ZNF23: variants seen among roughly 807,000 people sequenced by gnomAD.
ZNF23 encodes zinc finger protein 23.
In ZNF23, 48 loss-of-function variants were observed where a neutral mutation model predicts 56.2. That is an observed-to-expected ratio of 0.85 (90% CI 0.68 to 1.09). The LOEUF (loss-of-function observed/expected upper bound fraction) is 1.09, where lower values mean the gene tolerates loss of function less well. Among genes scored for constraint, ZNF23 ranks in the 50% least tolerant of loss-of-function variants. ZNF23 has a pLI of 0.00. For missense variants in ZNF23, 805 were observed against 811.4 expected (o/e 0.99, Z 0.10); for synonymous variants, 266 against 283.3 (o/e 0.94, Z 0.61).
chr16:71,449,529 T>C lies in ZNF23; in HGVS notation c.625A>G (p.Arg209Gly). The stretch of plus-strand genomic sequence containing the variant: ...ACTAATTCTTCACATTTGAAAGGTC[T>C]TTCCTCAGAATTAATTATTTCATGC... ...VKHEIINSEE[R>G]PFKCEELVEP... The change falls in exon 5 of 5, where the codon AGA becomes GGA. Residue 209 changes from arginine to glycine, a missense_variant. Arg to Gly is a moderately radical substitution (Grantham distance 125, BLOSUM62 -2). Transcript: ENST00000647773. 8 of 1,614,150 alleles carry C rather than the reference T, an allele frequency of 5.0e-6. No homozygotes were observed. The highest frequency in any genetic ancestry group is 6.8e-6 in the Non-Finnish European group (8 of 1,180,040).
At chr16:71,452,649 C>T (rs977676830) in intron 4 of ZNF23, 1 of 152,190 alleles carries the variant, frequency 6.6e-6, no homozygotes, top group Non-Finnish European at 1.5e-5. Context: ...TTCCCCAAAA[C>T]CAAAATAAAA....
chr16:71,457,382 G>A (rs945004047), intron 1 of ZNF23, among the ~76,000 whole-genome samples: 2 of 152,160 alleles, frequency 1.3e-5, no homozygotes, highest in Non-Finnish European at 2.9e-5. Context: ...GGCTAACACG[G>A]TGAAACCCCG....
chr16:71,456,834 G>A lies in ZNF23; in HGVS notation c.-32-6C>T. 1 of 980,172 alleles carries A rather than the reference G, an allele frequency of 1.0e-6. No individual in the cohort carries two copies. Among genetic ancestry groups the A allele is most frequent in the Non-Finnish European group, 1.2e-6 (1 of 824,776 alleles). 60.7% of individuals were successfully genotyped at this position (980,172 alleles called of 1,614,324 possible). A position where few individuals can be genotyped will look rare whatever the true frequency, so the allele number is the denominator to read the frequency against. On this transcript the variant is annotated splice_polypyrimidine_tract_variant and splice_region_variant and intron_variant, in intron 1 of 4. Transcript: ENST00000647773. ...GTCTCAGAGAAGGGCTGGAGCTAAG[G>A]AGAAACACAAAGAGAGACAAGTGTG...
rs956754705 is a variant in ZNF23 at position 71,462,192 on chromosome 16, C to T, written c.-33+18G>A. 9 of 152,362 alleles carry T rather than the reference C, an allele frequency of 5.9e-5. No individual in the cohort carries two copies. The highest frequency in any genetic ancestry group is 1.2e-4 in the Non-Finnish European group (8 of 68,138). 9.4% of individuals were successfully genotyped at this position (152,362 alleles called of 1,614,324 possible). The stretch of plus-strand genomic sequence containing the variant: ...GGGGACAGGGCACGGCACACAGCGC[C>T]CGGAGCCCTGCACTCACCTCCGTAG... On this transcript the variant is annotated intron_variant, in intron 1 of 4. Coordinates refer to ENST00000647773, the MANE Select transcript of ZNF23 (RefSeq NM_001381984.1).
chr16:71,447,951 T>G lies in ZNF23; in HGVS notation c.*142A>C. 3 of 573,864 alleles carry G rather than the reference T, an allele frequency of 5.2e-6. No individual in the cohort carries two copies. In the South Asian group the frequency reaches 1.3e-4, roughly 24 times the overall value. The allele number at this position is 573,864 out of a possible 1,614,324, so 35.5% of individuals were successfully genotyped here. The stretch of plus-strand genomic sequence containing the variant: ...TTTAACTGGTCATCCTTTCCTGATT[T>G]AAACTGAATAGAATAAAAACTGTTT... On this transcript the variant is annotated 3_prime_UTR_variant, in exon 5 of 5. Transcript: ENST00000647773.
intron 3 of ZNF23, chr16:71,453,630 C>G: frequency 2.1e-6 from 1 of 475,852 alleles, no homozygotes; most frequent in Non-Finnish European, 3.8e-6. Context: ...CCTAGGAGAC[C>G]TCATGCAGGG....
Position 71,448,582 on chromosome 16 carries a change from A to G in ZNF23, c.1572T>C (p.Cys524=). The G allele has an allele frequency of 6.2e-7, 1 of 1,614,026 alleles. No individual in the cohort carries two copies. The highest frequency in any genetic ancestry group is 8.5e-7 in the Non-Finnish European group (1 of 1,180,014). ...TGEKPFECNE[C]GRCFTSKRNL... ...TTCTTTTAGAAGTAAAGCATCTCCC[A>G]CACTCATTACATTCAAAAGGTTTCT... The change falls in exon 5 of 5, where the codon TGT becomes TGC. Residue 524 remains cysteine, a synonymous_variant. Coordinates refer to ENST00000647773, the MANE Select transcript of ZNF23 (RefSeq NM_001381984.1).
Position 71,448,131 on chromosome 16 carries a change from T to C in ZNF23, c.2023A>G (p.Ser675Gly), listed in dbSNP as rs1174515304. Reference sequence around the variant, plus strand: ...TCACTATGGACACTCTGATGCTGACTGAGCTGGAAGCTAAACCTGAATGCT... The same window carrying C: ...TCACTATGGACACTCTGATGCTGACCGAGCTGGAAGCTAAACCTGAATGCT... ...GKAFRFSFQL[S>G]QHQSVHSEGK... is the part of the protein sequence containing the mutation. Residue 675 changes from serine to glycine, a missense_variant, in exon 5 of 5, where the codon AGT becomes GGT. Physicochemically the swap from Ser to Gly is moderately conservative, Grantham distance 56. Transcript: ENST00000647773. The C allele has an allele frequency of 6.2e-7, 1 of 1,612,744 alleles. No individual in the cohort carries two copies. The highest frequency in any genetic ancestry group is 1.1e-5 in the South Asian group (1 of 90,698).
In ZNF23 at chr16:71,448,683, A is replaced by G. The variant is rs747042435; in HGVS notation, c.1471T>C (p.Tyr491His). Residue 491 changes from tyrosine to histidine, a missense_variant, in exon 5 of 5, where the codon TAT (tyrosine) becomes CAT (histidine). Coordinates refer to ENST00000647773, the MANE Select transcript of ZNF23 (RefSeq NM_001381984.1). ...HLRIHTGEKP[Y>H]ECNECGKAFS... ...GCCTTTCCACACTCATTACACTCAT[A>G]GGGCTTCTCCCCAGTGTGAATTCTC... The G allele has an allele frequency of 1.9e-6, 3 of 1,614,094 alleles. No individual in the cohort carries two copies. Among genetic ancestry groups the G allele is most frequent in the African/African-American group, 2.7e-5 (2 of 74,946 alleles).
rs2042973270 is a variant in ZNF23, at chr16:71,449,492, C to A, written c.662G>T (p.Arg221Met). Reference sequence around the variant, plus strand: ...ATGTTGAATAAGTTGAGAGTCACACCTAAAGGGCTCTACTAATTCTTCACA... The same window carrying A: ...ATGTTGAATAAGTTGAGAGTCACACATAAAGGGCTCTACTAATTCTTCACA... ...FKCEELVEPF[R>M]CDSQLIQHQE... The change falls in exon 5 of 5, where the codon AGG becomes ATG. Residue 221 changes from arginine (R) to methionine (M), a missense_variant. Arg to Met is a moderately conservative substitution (Grantham distance 91). Coordinates refer to ENST00000647773, the MANE Select transcript of ZNF23 (RefSeq NM_001381984.1). 2.5e-6 allele frequency: 4 copies of A among 1,614,190 alleles called. No homozygotes were observed. Among genetic ancestry groups the A allele is most frequent in the Non-Finnish European group, 3.4e-6 (4 of 1,180,040 alleles).
At chr16:71,461,758 C>T (rs973923442) in intron 1 of ZNF23, 6 of 152,180 alleles carry the variant, frequency 3.9e-5, no homozygotes, top group African/African-American at 1.4e-4. Context: ...CCACTCGGCC[C>T]TAATTCATGA....
chr16:71,450,044 GTAAC>G (rs770621577), intron 4 of ZNF23, 159 bp from the exon 5 acceptor site: 323 of 525,502 alleles, frequency 6.1e-4, no homozygotes, highest in Admixed American at 2.1e-3. Context: ...TAAGTAATTT[GTAAC>G]TAACTAGTAA....
chr16:71,449,460 T>C lies in ZNF23; in HGVS notation c.694A>G (p.Asn232Asp). 1 of 1,614,228 alleles carries C rather than the reference T, an allele frequency of 6.2e-7. No individual in the cohort carries two copies. The highest frequency in any genetic ancestry group is 8.5e-7 in the Non-Finnish European group (1 of 1,180,038). Reference protein sequence around the residue: ...CDSQLIQHQENNTEEKPYQCS... With the variant: ...CDSQLIQHQEDNTEEKPYQCS... ...TGATAAGGCTTTTCCTCAGTGTTGT[T>C]CTCTTGATGTTGAATAAGTTGAGAG... is the stretch of plus-strand genomic sequence containing the variant. The change falls in exon 5 of 5, where the codon AAC becomes GAC. Residue 232 changes from asparagine (N) to aspartate (D), a missense_variant. Transcript: ENST00000647773.
intron 2 of ZNF23, among the ~76,000 whole-genome samples, chr16:71,456,390 C>G (rs1609868): frequency 0.24 from 35,749 of 152,080 alleles, 5,283 homozygotes; most frequent in South Asian, 0.52. Flanking sequence ...TTCCTCTTCT[C>G]TACATCCCCA....
chr16:71,459,714 C>A (rs60009511), intron 1 of ZNF23, among the ~76,000 whole-genome samples: 4 of 152,098 alleles, frequency 2.6e-5, no homozygotes, highest in African/African-American at 9.7e-5. Context: ...TGTCTCTGAC[C>A]TAGTAATTGC....
intron 4 of ZNF23, chr16:71,451,066 C>G (rs2043042434): frequency 6.4e-6 from 1 of 155,632 alleles, no homozygotes. Flanking sequence ...CATCTCATCC[C>G]CTTTCTTCCC....
At chr16:71,455,638 T>C (rs905383792) in intron 2 of ZNF23, among the ~76,000 whole-genome samples, 2 of 152,108 alleles carry the variant, frequency 1.3e-5, no homozygotes, top group African/African-American at 4.8e-5. Flanking sequence ...ATTACAGGTG[T>C]GAGCCACCAC....
chr16:71,448,314 C>A lies in ZNF23; in HGVS notation c.1840G>T (p.Val614Phe), dbSNP rs745817232. ...QCKECGKAFH[V>F]NAHLIRHQRS... The stretch of plus-strand genomic sequence containing the variant: ...TGATGCCGAATTAAATGGGCATTAA[C>A]ATGGAAGGCTTTTCCACACTCCTTA... Residue 614 changes from valine to phenylalanine, a missense_variant, in exon 5 of 5, where the codon GTT becomes TTT. Coordinates refer to ENST00000647773, the MANE Select transcript of ZNF23 (RefSeq NM_001381984.1). The A allele has an allele frequency of 6.2e-7, 1 of 1,613,700 alleles. No homozygotes were observed. Among genetic ancestry groups the A allele is most frequent in the East Asian group, 2.2e-5 (1 of 44,818 alleles).
rs1487533402 is a variant in ZNF23, at chr16:71,448,862, C to T, written c.1292G>A (p.Gly431Asp). 2.5e-6 allele frequency: 4 copies of T among 1,614,230 alleles called. No homozygotes were observed. The highest frequency in any genetic ancestry group is 2.2e-5 in the South Asian group (2 of 91,084). ...TTCAGTGCATTCATAGGGTTTCTCA[C>T]CTGTGTGGATTCTCTGATGCTGAAT... ...KLIQHQRIHTGEKPYECTECG... is the reference protein window; with the variant it reads ...KLIQHQRIHTDEKPYECTECG... Residue 431 changes from glycine to aspartate, a missense_variant, in exon 5 of 5, where the codon GGT (glycine) becomes GAT (aspartate). Coordinates refer to ENST00000647773, the MANE Select transcript of ZNF23 (RefSeq NM_001381984.1).
Sources: gnomAD v4.1 joint callset for allele counts (sites outside exome capture counted in the v4.1 genomes callset) on GRCh38, gnomAD v4.1.1 for gene constraint, MANE v1.5 for transcripts, NCBI Gene and HGNC (gene_info 2026-07-23, HGNC 2026-07-21) for gene names.